AAAS: variants seen among roughly 807,000 people sequenced by gnomAD.
The protein encoded by AAAS is aladin WD repeat nucleoporin, also known as aladin.
Under a neutral mutation model 75.6 loss-of-function variants are expected in AAAS, and 60 were observed. That is an observed-to-expected ratio of 0.79 (90% CI 0.64 to 0.98). AAAS has a LOEUF of 0.98. Ranked by LOEUF, AAAS falls within the 50% of genes least tolerant of loss-of-function variation. The pLI, the probability that AAAS is intolerant of heterozygous loss-of-function variation, is 0.00. For missense variants in AAAS, 658 were observed against 686.9 expected (o/e 0.96, Z 0.47); for synonymous variants, 271 against 265.0 (o/e 1.02, Z -0.22).
intron 7 of AAAS, among the ~76,000 whole-genome samples, chr12:53,312,690 T>C (rs1944406505): frequency 6.6e-6 from 1 of 151,666 alleles, no homozygotes. Flanking sequence ...CTTCTGAAAA[T>C]AGTATACTTT....
At chr12:53,310,638 T>A (rs1307358734) in intron 7 of AAAS, among the ~76,000 whole-genome samples, 1 of 152,010 alleles carries the variant, frequency 6.6e-6, no homozygotes, top group Non-Finnish European at 1.5e-5. Context: ...ACCTGCCATG[T>A]GTCTGCAGCT....
At position 53,314,329 on chromosome 12, in the gene AAAS, A is replaced by G; in HGVS notation, c.658T>C (p.Trp220Arg). Residue 220 changes from tryptophan (W) to arginine (R), a missense_variant, in exon 7 of 16, where the codon TGG (tryptophan) becomes CGG (arginine). Physicochemically the swap from Trp to Arg is moderately radical, Grantham distance 101. Coordinates refer to ENST00000209873, the MANE Select transcript of AAAS (RefSeq NM_015665.6). Reference protein sequence around the residue: ...AVACQSCILIWTLDPTSLSTR... With the variant: ...AVACQSCILIRTLDPTSLSTR... ...GACAAGGAGGTAGGGTCCAGGGTCCAGATAAGAATGCAGCTCTGGCAGGCC... is the reference window on the plus strand; with the variant it reads ...GACAAGGAGGTAGGGTCCAGGGTCCGGATAAGAATGCAGCTCTGGCAGGCC... The G allele has an allele frequency of 1.2e-6, 2 of 1,614,206 alleles. No individual in the cohort carries two copies. Among genetic ancestry groups the G allele is most frequent in the South Asian group, 1.1e-5 (1 of 91,088 alleles).
In AAAS at chr12:53,307,890, G is replaced by A. The variant is rs1168387021; in HGVS notation, c.1371C>T (p.Leu457=). 6.2e-7 allele frequency: 1 copy of A among 1,614,234 alleles called. No individual in the cohort carries two copies. Among genetic ancestry groups the A allele is most frequent in the Admixed American group, 1.7e-5 (1 of 60,026 alleles). ...TGTTGAAGGAAGGATGGAAAGTGATGAGCTGGGGCTGGGCTCCTGGCTCCC... is the reference window on the plus strand; with the variant it reads ...TGTTGAAGGAAGGATGGAAAGTGATAAGCTGGGGCTGGGCTCCTGGCTCCC... ...IQGEPGAQPQ[L]ITFHPSFNKG... The change falls in exon 15 of 16, where the codon CTC becomes CTT. Residue 457 remains leucine (L), a synonymous_variant. Transcript: ENST00000209873.
chr12:53,320,654 GGGA>G lies in AAAS; in HGVS notation c.159_161del (p.Pro54del). On this transcript the variant is annotated inframe_deletion, in exon 2 of 16. Transcript: ENST00000209873. Reference sequence around the variant, plus strand: ...GGTCCAGCCTTCCAGGGGTCTTTAGGGGATCCTTTGTCAGTTGTAGGACAGGAA... The same window carrying G: ...GGTCCAGCCTTCCAGGGGTCTTTAGGTCCTTTGTCAGTTGTAGGACAGGAA... 3 of 1,614,112 alleles carry G rather than the reference GGGA, an allele frequency of 1.9e-6. No individual in the cohort carries two copies. Among genetic ancestry groups the G allele is most frequent in the Non-Finnish European group, 2.5e-6 (3 of 1,180,036 alleles).
At chr12:53,312,802 TG>T (rs1203223042) in intron 7 of AAAS, among the ~76,000 whole-genome samples, 5 of 149,026 alleles carry the variant, frequency 3.4e-5, no homozygotes, top group Admixed American at 2.0e-4. Flanking sequence ...TATATATACG[TG>T]TATATATATG....
Position 53,307,680 on chromosome 12 carries a change from G to A in AAAS, c.1450C>T (p.Leu484=), listed in dbSNP as rs764298213. ...GGAAACTGGGCATTGACAAAGTACA[G>A]CGGGATGTGGGCAATTCGGCCTGTG... ...WSTGRIAHIP[L]YFVNAQFPRF... Residue 484 remains leucine, a synonymous_variant, in exon 16 of 16, where the codon CTG becomes TTG. Coordinates refer to ENST00000209873, the MANE Select transcript of AAAS (RefSeq NM_015665.6). 1 of 1,614,060 alleles carries A rather than the reference G, an allele frequency of 6.2e-7. No homozygotes were observed. The highest frequency in any genetic ancestry group is 1.3e-5 in the African/African-American group (1 of 74,948).
Position 53,308,634 on chromosome 12 carries a change from A to G in AAAS, c.1087+91T>C, listed in dbSNP as rs545024232. 2.9e-4 allele frequency: 465 copies of G among 1,597,864 alleles called. 7 individuals are homozygous for G. Among genetic ancestry groups the G allele is most frequent in the South Asian group, 2.3e-3 (213 of 90,692 alleles). On this transcript the variant is annotated intron_variant, in intron 11 of 15. Transcript: ENST00000209873. ...ACACCTCGAAATCTCCTAAGCTTCT[A>G]TATTTCCCTTTATCCCTCAGAGCTG...
chr12:53,307,652 C>T lies in AAAS; in HGVS notation c.1478G>A (p.Arg493His), dbSNP rs767509596. 5.6e-6 allele frequency: 9 copies of T among 1,614,036 alleles called. No individual in the cohort carries two copies. Among genetic ancestry groups the T allele is most frequent in the African/African-American group, 1.3e-5 (1 of 74,928 alleles). The change falls in exon 16 of 16, where the codon CGT becomes CAT. Residue 493 changes from arginine (R) to histidine (H), a missense_variant. Arg to His is a conservative substitution (Grantham distance 29). Transcript: ENST00000209873. The stretch of plus-strand genomic sequence containing the variant: ...GGCCCGCCCAAGCACTGGGCTAAAA[C>T]GTGGAAACTGGGCATTGACAAAGTA... Reference protein sequence around the residue: ...PLYFVNAQFPRFSPVLGRAQE... With the variant: ...PLYFVNAQFPHFSPVLGRAQE...
At chr12:53,317,972 A>G (rs1293040953) in intron 2 of AAAS, among the ~76,000 whole-genome samples, 1 of 152,220 alleles carries the variant, frequency 6.6e-6, no homozygotes, top group African/African-American at 2.4e-5. Flanking sequence ...TAGGTGCCTC[A>G]CATTAACTAA....
chr12:53,308,154 G>A lies in AAAS; in HGVS notation c.1250-21C>T, dbSNP rs775599109. Reference sequence around the variant, plus strand: ...CTTTCCTGTAAGAAATGGATCCAGGGATAGGGGAGGAACTCTGAAGGCAGA... The same window carrying A: ...CTTTCCTGTAAGAAATGGATCCAGGAATAGGGGAGGAACTCTGAAGGCAGA... On this transcript the variant is annotated intron_variant, in intron 13 of 15. Transcript: ENST00000209873. 3 of 1,613,710 alleles carry A rather than the reference G, an allele frequency of 1.9e-6. No individual in the cohort carries two copies. The East Asian group carries it at 6.7e-5, about 36-fold the overall frequency.
chr12:53,308,334 A>T lies in AAAS; in HGVS notation c.1197T>A (p.Ala399=). Residue 399 remains alanine (A), a synonymous_variant, in exon 13 of 16, where the codon GCT becomes GCA. Coordinates refer to ENST00000209873, the MANE Select transcript of AAAS (RefSeq NM_015665.6). ...CACTGGGGTCCCAGACCATGGAGTG[A>T]GCCTCTCCCCCAAGCCTGTGGGTAA... ...PDGEERLGGE[A]HSMVWDPSGE... 3 of 1,614,156 alleles carry T rather than the reference A, an allele frequency of 1.9e-6. No individual in the cohort carries two copies. Among genetic ancestry groups the T allele is most frequent in the Non-Finnish European group, 2.5e-6 (3 of 1,180,018 alleles).
chr12:53,309,316 A>C, intron 8 of AAAS, 35 bp from the exon 9 acceptor site: 1 of 1,611,884 alleles, frequency 6.2e-7, no homozygotes, highest in Non-Finnish European at 8.5e-7. Flanking sequence ...GGGAAAACTC[A>C]AGCACCCCAT....
In AAAS at chr12:53,309,571, A is replaced by T. The variant is rs531025623; in HGVS notation, c.810+30T>A. The stretch of plus-strand genomic sequence containing the variant: ...TGAGGAACACTTTTGCCAGGACTGA[A>T]ATGTGCATGAGGGGCAGGGACCCAC... On this transcript the variant is annotated intron_variant, in intron 8 of 15. Coordinates refer to ENST00000209873, the MANE Select transcript of AAAS (RefSeq NM_015665.6). 2.5e-6 allele frequency: 4 copies of T among 1,613,404 alleles called. No homozygotes were observed. In the African/African-American group the frequency reaches 5.3e-5, roughly 22 times the overall value.
In AAAS at chr12:53,307,702, T is replaced by C. The variant is rs137930169; in HGVS notation, c.1428A>G (p.Thr476=). Residue 476 remains threonine (T), a synonymous_variant, in exon 16 of 16, where the codon ACA becomes ACG. Coordinates refer to ENST00000209873, the MANE Select transcript of AAAS (RefSeq NM_015665.6). ...ACAGCGGGATGTGGGCAATTCGGCC[T>C]GTGGACCAGCCCTGCAGAGAAGGGA... ...KGALLSVGWS[T]GRIAHIPLYF... 8.8e-5 allele frequency: 142 copies of C among 1,613,962 alleles called. No homozygotes were observed. The highest frequency in any genetic ancestry group is 4.3e-5 in the Non-Finnish European group (51 of 1,180,054).
chr12:53,310,661 A>T (rs1944375409), intron 7 of AAAS, among the ~76,000 whole-genome samples: 1 of 152,046 alleles, frequency 6.6e-6, no homozygotes, highest in Non-Finnish European at 1.5e-5. Context: ...GTATTTCCAG[A>T]GCCATGTGCC....
rs1944342430 is a variant in AAAS, at chr12:53,308,976, A to G, written c.980T>C (p.Leu327Pro). The G allele has an allele frequency of 1.3e-5, 21 of 1,614,232 alleles. No homozygotes were observed. Among genetic ancestry groups the G allele is most frequent in the Non-Finnish European group, 1.8e-5 (21 of 1,180,032 alleles). The stretch of plus-strand genomic sequence containing the variant: ...CCCTCTTACCTGACAGCGCCCTGAT[A>G]GAGTAGGCCACCTCTCACAAGTCCA... ...QMWTCERWPT[L>P]SGRCQTGCWS... is the part of the protein sequence containing the mutation. Residue 327 changes from leucine to proline, a missense_variant, in exon 10 of 16, where the codon CTA (leucine) becomes CCA (proline). Leu to Pro is a moderately conservative substitution (Grantham distance 98). Transcript: ENST00000209873.
chr12:53,316,764 C>CAAAAAA (rs34520642), intron 2 of AAAS, among the ~76,000 whole-genome samples: 153 of 76,638 alleles, frequency 2.0e-3, no homozygotes, highest in Non-Finnish European at 2.2e-3. Flanking sequence ...CCATCTCAGA[C>CAAAAAA]AAAAAAAAAA....
Position 53,309,639 on chromosome 12 carries a change from G to GC in AAAS, c.771dup (p.Arg258AlafsTer65). ...TCCACGGGTGAAGCTGAGAGCAGCC[G>GC]CCCCCCACTGGGGGCCCAGGCCAAG... On this transcript the variant is annotated frameshift_variant, in exon 8 of 16. Coordinates refer to ENST00000209873, the MANE Select transcript of AAAS (RefSeq NM_015665.6). LOFTEE classifies it high-confidence loss of function. 6 of 1,613,448 alleles carry GC rather than the reference G, an allele frequency of 3.7e-6. No homozygotes were observed. Among genetic ancestry groups the GC allele is most frequent in the East Asian group, 2.2e-5 (1 of 44,874 alleles).
rs778906427 is a variant in AAAS, at chr12:53,314,429, G to A, written c.558C>T (p.Pro186=). ...TTCGCTGCAGCCGGTGCTTCAGGGA[G>A]GGGACTATGGTGCTAGGGTGAAGGG... The part of the protein sequence containing the change: ...RVYNASSTIV[P]SLKHRLQRNV... The change falls in exon 7 of 16, where the codon CCC becomes CCT. Residue 186 remains proline (P), a synonymous_variant. Transcript: ENST00000209873. 4 of 1,614,122 alleles carry A rather than the reference G, an allele frequency of 2.5e-6. No homozygotes were observed. Among genetic ancestry groups the A allele is most frequent in the South Asian group, 2.2e-5 (2 of 91,082 alleles).
Sources: gnomAD v4.1 joint callset for allele counts (sites outside exome capture counted in the v4.1 genomes callset) on GRCh38, gnomAD v4.1.1 for gene constraint, MANE v1.5 for transcripts, NCBI Gene and HGNC (gene_info 2026-07-23, HGNC 2026-07-21) for gene names.